Variants in SLC25A13 observed in about 807,000 individuals in gnomAD.
The protein encoded by SLC25A13 is electrogenic aspartate/glutamate antiporter SLC25A13, mitochondrial.
SLC25A13 carries 70 observed loss-of-function variants against 85.5 expected under a neutral mutation model. The observed-to-expected ratio is 0.82, with a 90% CI of 0.68 to 1.00. The LOEUF (loss-of-function observed/expected upper bound fraction) is 1.00, where lower values mean the gene tolerates loss of function less well. Among genes scored for constraint, SLC25A13 ranks in the 50% least tolerant of loss-of-function variants. The probability of loss-of-function intolerance (pLI) is 0.00; values close to 1 mark genes in which losing one functional copy is unlikely to be tolerated. For missense variants in SLC25A13, 765 were observed against 819.8 expected, an observed-to-expected ratio of 0.93 and a Z score of 0.82; for synonymous variants, 259 against 288.7, an observed-to-expected ratio of 0.90 and a Z score of 1.04.
chr7:96,184,709 C>A (rs1246837551), intron 10 of SLC25A13: 5 of 632,888 alleles, frequency 7.9e-6, no homozygotes, highest in East Asian at 5.4e-5. Flanking sequence ...AAGGCCTGAT[C>A]TGTAGATAGA....
rs1798811695 is a variant in SLC25A13 at position 96,284,526 on chromosome 7, C to A, written c.70-7188G>T. On this transcript the variant is annotated intron_variant, in intron 2 of 17. Transcript: ENST00000265631. Reference sequence around the variant, plus strand: ...TCATTCAGCCCTTTTCCCCAATTTTCCCATCTTTCGCTACAGAGATTTAGT... The same window carrying A: ...TCATTCAGCCCTTTTCCCCAATTTTACCATCTTTCGCTACAGAGATTTAGT... Among the ~76,000 whole-genome samples, 3 of 152,172 alleles carry A rather than the reference C, an allele frequency of 2.0e-5. No individual in the cohort carries two copies. In the South Asian group the frequency reaches 6.2e-4, roughly 32 times the overall value.
intron 13 of SLC25A13, among the ~76,000 whole-genome samples, chr7:96,157,752 G>C (rs1186900683): frequency 6.6e-6 from 1 of 152,138 alleles, no homozygotes; most frequent in Non-Finnish European, 1.5e-5. Flanking sequence ...AGTGAGCCAA[G>C]ATTACACCAC....
chr7:96,151,429 C>T (rs985206415), intron 13 of SLC25A13, among the ~76,000 whole-genome samples: 1 of 151,374 alleles, frequency 6.6e-6, no homozygotes, highest in African/African-American at 2.4e-5. Context: ...GAAACTCCAT[C>T]TCTACTAAAT....
chr7:96,135,349 C>T (rs1166741572), intron 14 of SLC25A13, among the ~76,000 whole-genome samples: 1 of 152,168 alleles, frequency 6.6e-6, no homozygotes, highest in Non-Finnish European at 1.5e-5. Context: ...GCATCAAAGC[C>T]CAATTCCCAA....
chr7:96,188,140 A>G (rs1367569004), intron 9 of SLC25A13, among the ~76,000 whole-genome samples: 1 of 152,196 alleles, frequency 6.6e-6, no homozygotes. Flanking sequence ...ATACAGACGA[A>G]GAGATAATCA....
intron 3 of SLC25A13, among the ~76,000 whole-genome samples, chr7:96,249,064 G>A (rs987046514): frequency 2.0e-4 from 30 of 152,156 alleles, no homozygotes; most frequent in African/African-American, 6.5e-4. Context: ...TCAGCTGCTC[G>A]GAAGGCTAAC....
At chr7:96,287,810 T>C (rs1354781654) in intron 2 of SLC25A13, among the ~76,000 whole-genome samples, 1 of 152,184 alleles carries the variant, frequency 6.6e-6, no homozygotes, top group Non-Finnish European at 1.5e-5. Flanking sequence ...AAAACAGAAG[T>C]AACAGATAGG....
At chr7:96,236,589 C>G (rs888533400) in intron 3 of SLC25A13, among the ~76,000 whole-genome samples, 1 of 152,194 alleles carries the variant, frequency 6.6e-6, no homozygotes, top group African/African-American at 2.4e-5. Context: ...TTATCTACTT[C>G]AACCTCCTCA....
intron 14 of SLC25A13, among the ~76,000 whole-genome samples, chr7:96,135,167 G>A (rs1157620036): frequency 6.6e-6 from 1 of 152,138 alleles, no homozygotes; most frequent in South Asian, 2.1e-4. Context: ...AGTAATATGT[G>A]TGAAAGTCCT....
intron 15 of SLC25A13, among the ~76,000 whole-genome samples, chr7:96,130,610 T>C (rs1014574341): frequency 1.3e-5 from 2 of 152,140 alleles, no homozygotes; most frequent in Admixed American, 1.3e-4. Flanking sequence ...AACCCTTTGG[T>C]TCAAAACATT....
At chr7:96,321,314 G>A (rs998911148) in intron 1 of SLC25A13, among the ~76,000 whole-genome samples, 1 of 152,306 alleles carries the variant, frequency 6.6e-6, no homozygotes, top group Admixed American at 6.5e-5. Flanking sequence ...TCCGAGGCGG[G>A]TATCTAAGTG....
intron 1 of SLC25A13, among the ~76,000 whole-genome samples, chr7:96,310,870 G>T (rs1799923637): frequency 6.6e-6 from 1 of 151,654 alleles, no homozygotes; most frequent in Non-Finnish European, 1.5e-5. Flanking sequence ...TGTCTTCATT[G>T]TGGTAAAATA....
intron 4 of SLC25A13, among the ~76,000 whole-genome samples, chr7:96,214,519 G>C (rs956872025): frequency 6.6e-6 from 1 of 152,190 alleles, no homozygotes; most frequent in South Asian, 2.1e-4. Context: ...TTCAGGTCAG[G>C]AGTTCGAGAC....
intron 11 of SLC25A13, among the ~76,000 whole-genome samples, chr7:96,172,627 T>C (rs533373420): frequency 6.6e-6 from 1 of 152,090 alleles, no homozygotes; most frequent in African/African-American, 2.4e-5. Context: ...GACCGAACTC[T>C]GACTGACCCC....
At chr7:96,289,258 C>G (rs1486181617) in intron 2 of SLC25A13, among the ~76,000 whole-genome samples, 2 of 152,108 alleles carry the variant, frequency 1.3e-5, no homozygotes, top group Non-Finnish European at 2.9e-5. Context: ...CCCATCTGTA[C>G]GTCACCATCA....
At chr7:96,281,261 C>G (rs1798665769) in intron 2 of SLC25A13, among the ~76,000 whole-genome samples, 1 of 151,796 alleles carries the variant, frequency 6.6e-6, no homozygotes, top group Non-Finnish European at 1.5e-5. Flanking sequence ...CATGGTGGCA[C>G]AGGCCTGTAA....
intron 1 of SLC25A13, among the ~76,000 whole-genome samples, chr7:96,297,425 C>T (rs997960873): frequency 9.9e-5 from 15 of 151,906 alleles, no homozygotes; most frequent in South Asian, 2.1e-4. Context: ...CCTCTGCCTC[C>T]CAGGTTCAAG....
At chr7:96,282,312 C>T (rs1445079049) in intron 2 of SLC25A13, among the ~76,000 whole-genome samples, 1 of 152,098 alleles carries the variant, frequency 6.6e-6, no homozygotes, top group African/African-American at 2.4e-5. Flanking sequence ...GCCTGCTCAC[C>T]ATCAGTCACA....
chr7:96,204,367 C>A (rs987832186), intron 5 of SLC25A13, among the ~76,000 whole-genome samples: 1 of 152,206 alleles, frequency 6.6e-6, no homozygotes, highest in East Asian at 1.9e-4. Context: ...CTACGACAGT[C>A]ACCCAATAAA....
Sources: allele counts gnomAD v4.1 joint callset (sites outside exome capture counted in the v4.1 genomes callset), GRCh38; gene constraint gnomAD v4.1.1; transcripts MANE v1.5; gene names NCBI Gene and HGNC (gene_info 2026-07-23, HGNC 2026-07-21).